Variants in LMO2 observed in about 807,000 individuals in gnomAD.
LMO2 encodes rhombotin-2.
A neutral mutation model predicts 23.2 loss-of-function variants in LMO2; 20 were observed. The observed-to-expected ratio is 0.86, with a 90% CI of 0.61 to 1.25. The LOEUF is 1.25. LMO2 is among the 50% of genes most tolerant of loss of function. The pLI is 0.00. For synonymous variants in LMO2, 123 were observed against 130.2 expected, an observed-to-expected ratio of 0.94 and a Z score of 0.38; for missense variants, 270 against 315.3, an observed-to-expected ratio of 0.86 and a Z score of 1.09.
Position 33,859,570 on chromosome 11 carries a change from A to T in LMO2, c.470T>A (p.Phe157Tyr). 1 of 1,613,986 alleles carries T rather than the reference A, an allele frequency of 6.2e-7. No homozygotes were observed. The highest frequency in any genetic ancestry group is 8.5e-7 in the Non-Finnish European group (1 of 1,179,992). Reference protein sequence around the residue: ...KLCRRDYLRLFGQDGLCASCD... With the variant: ...KLCRRDYLRLYGQDGLCASCD... ...GGATGCGCAGAGACCGTCTTGCCCAAAAAGCCTGGGGCAAAAGAAAGAAAA... is the reference window on the plus strand; with the variant it reads ...GGATGCGCAGAGACCGTCTTGCCCATAAAGCCTGGGGCAAAAGAAAGAAAA... The change falls in exon 6 of 6, where the codon TTT (phenylalanine) becomes TAT (tyrosine). Residue 157 changes from phenylalanine to tyrosine, a missense_variant. Coordinates refer to ENST00000257818, the MANE Select transcript of LMO2 (RefSeq NM_005574.4).
In LMO2 at chr11:33,892,010, G is replaced by T. The variant is rs1195495626; in HGVS notation, c.-551C>A. ...ACTTAACGGCTGAGGGCAGGTGGGG[G>T]TATTTCCTTCTCAATTCTGCTCAAG... On this transcript the variant is annotated 5_prime_UTR_variant, in exon 1 of 6. Transcript: ENST00000257818. 1.3e-5 allele frequency: 2 copies of T among 152,230 alleles called. No individual in the cohort carries two copies. The highest frequency in any genetic ancestry group is 4.8e-5 in the African/African-American group (2 of 41,424). 9.4% of individuals were successfully genotyped at this position (152,230 alleles called of 1,614,324 possible). A position where few individuals can be genotyped will look rare whatever the true frequency, so the allele number is the denominator to read the frequency against.
At chr11:33,869,277 T>TC in intron 4 of LMO2, 69 bp downstream of exon 4, 8 of 1,095,310 alleles carry the variant, frequency 7.3e-6, no homozygotes, top group South Asian at 4.4e-5. Context: ...GCCGCCCGGG[T>TC]CCCCCCGACG....
At chr11:33,883,048 G>A (rs1232161885) in intron 1 of LMO2, among the ~76,000 whole-genome samples, 3 of 152,032 alleles carry the variant, frequency 2.0e-5, no homozygotes, top group Admixed American at 6.6e-5. Flanking sequence ...CTAACACACC[G>A]TTATTTAATT....
At chr11:33,870,104 G>T in intron 2 of LMO2, 117 bp from the exon 3 acceptor site, 1 of 310,184 alleles carries the variant, frequency 3.2e-6, no homozygotes, top group Non-Finnish European at 4.7e-6. Context: ...GGGGCTCCTG[G>T]GGATTAGCAA....
intron 1 of LMO2, among the ~76,000 whole-genome samples, chr11:33,886,387 CT>C (rs887200514): frequency 5.3e-5 from 8 of 152,140 alleles, no homozygotes; most frequent in African/African-American, 1.9e-4. Flanking sequence ...GACCACATTC[CT>C]TTTTGTTTGT....
At chr11:33,871,639 A>C (rs1857026385) in intron 2 of LMO2, among the ~76,000 whole-genome samples, 1 of 151,390 alleles carries the variant, frequency 6.6e-6, no homozygotes. Context: ...TTAAAAAAGA[A>C]AATACTTAGA....
Position 33,869,752 on chromosome 11 carries a change from G to C in LMO2, c.-36C>G. The C allele has an allele frequency of 8.1e-7, 1 of 1,235,506 alleles. No homozygotes were observed. 76.5% of individuals were successfully genotyped at this position (1,235,506 alleles called of 1,614,324 possible). A position where few individuals can be genotyped will look rare whatever the true frequency, so the allele number is the denominator to read the frequency against. ...CCGCCGCCACCGCCCGGTCCCTCTC[G>C]CGCGCTGTCGCCGGCTCCGCGCCGC... On this transcript the variant is annotated 5_prime_UTR_variant, in exon 3 of 6. Coordinates refer to ENST00000257818, the MANE Select transcript of LMO2 (RefSeq NM_005574.4).
In LMO2 at chr11:33,880,855, T is replaced by C. The variant is rs1857264697; in HGVS notation, c.-272+969A>G. On this transcript the variant is annotated intron_variant, in intron 2 of 5. Coordinates refer to ENST00000257818, the MANE Select transcript of LMO2 (RefSeq NM_005574.4). The surrounding 1 kb of genome is among the most constrained non-coding windows in gnomAD (Gnocchi z 4.3). ...TTATGGGGAAGCCAGTCTCATGAGCTCCAACACATTCTTCAGTGCAATCAG... is the reference window on the plus strand; with the variant it reads ...TTATGGGGAAGCCAGTCTCATGAGCCCCAACACATTCTTCAGTGCAATCAG... The C allele has an allele frequency of 3.9e-6, 1 of 255,036 alleles. No homozygotes were observed. The highest frequency in any genetic ancestry group is 7.8e-6 in the Non-Finnish European group (1 of 128,168). The allele number at this position is 255,036 out of a possible 1,614,324, so 15.8% of individuals were successfully genotyped here.
chr11:33,870,030 G>A, intron 2 of LMO2, 43 bp from the exon 3 acceptor site: 1 of 798,650 alleles, frequency 1.3e-6, no homozygotes. Flanking sequence ...CACATTTAAA[G>A]AGACAGCTGC....
At chr11:33,877,047 AG>A (rs1404921153) in intron 2 of LMO2, among the ~76,000 whole-genome samples, 3 of 152,230 alleles carry the variant, frequency 2.0e-5, no homozygotes, top group African/African-American at 7.2e-5. Context: ...TGCTGGACAT[AG>A]ATGGATAAGT....
rs777990279 is a variant in LMO2, at chr11:33,864,638, T to A, written c.428A>T (p.Lys143Ile). ...TCTCCGGCAGAGCTTCCGGCCCAGT[T>A]TGTAGTAGAGGCGCCGCCCCACCTC... ...LGEVGRRLYY[K>I]LGRKLCRRDY... Residue 143 changes from lysine to isoleucine, a missense_variant, in exon 5 of 6, where the codon AAA becomes ATA. Transcript: ENST00000257818. The surrounding 1 kb of genome is among the most constrained non-coding windows in gnomAD (Gnocchi z 4.8). The A allele has an allele frequency of 1.1e-5, 17 of 1,613,728 alleles. No homozygotes were observed. The highest frequency in any genetic ancestry group is 1.4e-5 in the Non-Finnish European group (16 of 1,179,984).
chr11:33,873,517 T>C (rs574202209), intron 2 of LMO2, among the ~76,000 whole-genome samples: 5 of 152,350 alleles, frequency 3.3e-5, no homozygotes, highest in African/African-American at 1.2e-4. Context: ...CATGACCTTA[T>C]TGTATCCTCC....
intron 2 of LMO2, chr11:33,881,410 CCTCT>C (rs1857280915): frequency 6.6e-6 from 3 of 456,578 alleles, no homozygotes; most frequent in South Asian, 4.6e-5. Flanking sequence ...TTTATGCTAG[CCTCT>C]CTATCACTCC....
chr11:33,878,556 G>A (rs1447167223), intron 2 of LMO2, among the ~76,000 whole-genome samples: 1 of 152,230 alleles, frequency 6.6e-6, no homozygotes, highest in Non-Finnish European at 1.5e-5. Context: ...AGTGGGCAGA[G>A]CACAGTGCTT....
intron 1 of LMO2, among the ~76,000 whole-genome samples, chr11:33,889,255 G>A (rs951200251): frequency 5.9e-5 from 9 of 152,206 alleles, no homozygotes; most frequent in Admixed American, 6.5e-5. Context: ...ACAAGACACC[G>A]TCCCTACCCT....
rs1856701315 is a variant in LMO2, at chr11:33,864,567, C to G, written c.464+35G>C. 6.3e-7 allele frequency: 1 copy of G among 1,579,602 alleles called. No individual in the cohort carries two copies. The highest frequency in any genetic ancestry group is 8.6e-7 in the Non-Finnish European group (1 of 1,156,838). On this transcript the variant is annotated intron_variant, in intron 5 of 5. Coordinates refer to ENST00000257818, the MANE Select transcript of LMO2 (RefSeq NM_005574.4). This position sits in a 1 kb window ranked among gnomAD's most constrained non-coding sequence, Gnocchi z 4.8. ...GATGTCCATGGACCACCCAGCCTCC[C>G]TTCCGAGGGCCCAGTGGAGTGCCGG... is the stretch of plus-strand genomic sequence containing the variant.
chr11:33,871,899 G>C (rs1247250904), intron 2 of LMO2, among the ~76,000 whole-genome samples: 1 of 152,086 alleles, frequency 6.6e-6, no homozygotes, highest in Non-Finnish European at 1.5e-5. Context: ...TAGCTCTGGA[G>C]TCAGACTACC....
rs770694676 is a variant in LMO2, at chr11:33,869,679, C to T, written c.7+31G>A. 13 of 1,268,056 alleles carry T rather than the reference C, an allele frequency of 1.0e-5. No homozygotes were observed. In the South Asian group the frequency reaches 2.3e-4, roughly 22 times the overall value. 78.6% of individuals were successfully genotyped at this position (1,268,056 alleles called of 1,614,324 possible). On this transcript the variant is annotated intron_variant, in intron 3 of 5. Transcript: ENST00000257818. ...GGGCGCGCAGCCTGGCTCCAGGCGG[C>T]TGCAGCTGCTGCTGCTGCTCAGGAC... is the stretch of plus-strand genomic sequence containing the variant.
intron 1 of LMO2, among the ~76,000 whole-genome samples, chr11:33,886,173 CG>C (rs1460492152): frequency 6.6e-6 from 1 of 152,146 alleles, no homozygotes; most frequent in Admixed American, 6.5e-5. Flanking sequence ...CCACCATGCC[CG>C]GCCACAACTC....
Sources: allele counts gnomAD v4.1 joint callset (sites outside exome capture counted in the v4.1 genomes callset), GRCh38; gene constraint gnomAD v4.1.1; non-coding constraint Gnocchi (gnomAD v3.1); transcripts MANE v1.5; gene names NCBI Gene and HGNC (gene_info 2026-07-23, HGNC 2026-07-21).